The following NPLOC4 variants were observed in gnomAD, a reference collection of about 807,000 sequenced individuals.
NPLOC4 encodes the protein NPL4 homolog, ubiquitin recognition factor.
In NPLOC4, 18 loss-of-function variants were observed where a neutral mutation model predicts 80.6. The observed-to-expected ratio is 0.22, with a 90% CI of 0.15 to 0.33. The LOEUF is 0.33. NPLOC4 is among the 10% of genes least tolerant of loss of function. The pLI is 1.00. For missense variants in NPLOC4, 540 were observed against 786.1 expected (o/e 0.69, Z 3.74); for synonymous variants, 313 against 301.5 (o/e 1.04, Z -0.39).
rs1491076505 is a variant in NPLOC4 at position 81,585,672 on chromosome 17, GGA to G, written c.1281+3270_1281+3271del. On this transcript the variant is annotated intron_variant, in intron 12 of 16. Transcript: ENST00000331134. Reference sequence around the variant, plus strand: ...GAAGACTCCATTTCTGGGGGGGGGGGGAAAGAAAGAAATCAGAGGCTGGGTGC... The same window carrying G: ...GAAGACTCCATTTCTGGGGGGGGGGGAAGAAAGAAATCAGAGGCTGGGTGC... 2.1e-5 allele frequency among the ~76,000 whole-genome samples: 3 copies of G among 142,594 alleles called. No individual in the cohort carries two copies. In the East Asian group the frequency reaches 7.3e-4, roughly 35 times the overall value. The allele number at this position is 142,594 out of a possible 152,430, so 93.5% of individuals were successfully genotyped here. A position where few individuals can be genotyped will look rare whatever the true frequency, so the allele number is the denominator to read the frequency against.
At chr17:81,632,328 CT>C (rs58346580) in intron 1 of NPLOC4, among the ~76,000 whole-genome samples, 31,502 of 139,788 alleles carry the variant, frequency 0.23, 3,586 homozygotes, top group Middle Eastern at 0.34. Flanking sequence ...TTTTTTATTT[CT>C]TTTTTTTTTT....
chr17:81,604,488 G>C, intron 8 of NPLOC4, 60 bp downstream of exon 8: 3 of 1,518,520 alleles, frequency 2.0e-6, no homozygotes, highest in Admixed American at 2.0e-5. Flanking sequence ...CTCTCCGAAA[G>C]GGCGTCCCCC....
rs111441266 is a variant in NPLOC4, at chr17:81,595,453, C to CT, written c.1120+662dup. On this transcript the variant is annotated intron_variant, in intron 11 of 16. Transcript: ENST00000331134. Reference sequence around the variant, plus strand: ...AAAAAAAAAAAAAAAACCCGTTTTGCTTTTTTTTTTTGAGATGGAGTTTCA... The same window carrying CT: ...AAAAAAAAAAAAAAAACCCGTTTTGCTTTTTTTTTTTTGAGATGGAGTTTCA... Among the ~76,000 whole-genome samples the CT allele has an allele frequency of 2.5e-3, 331 of 132,588 alleles. 2 individuals carry two copies. The highest frequency in any genetic ancestry group is 7.2e-3 in the African/African-American group (259 of 36,008). 87.0% of individuals were successfully genotyped at this position (132,588 alleles called of 152,430 possible). A position where few individuals can be genotyped will look rare whatever the true frequency, so the allele number is the denominator to read the frequency against.
At chr17:81,569,490 G>C (rs920458643) in intron 13 of NPLOC4, among the ~76,000 whole-genome samples, 4 of 152,238 alleles carry the variant, frequency 2.6e-5, no homozygotes, top group Non-Finnish European at 5.9e-5. Flanking sequence ...GACAGGAAAG[G>C]AACGGAAGGG....
At chr17:81,608,893 C>T (rs1363207146) in intron 5 of NPLOC4, 71 bp from the exon 6 acceptor site, 21 of 1,229,586 alleles carry the variant, frequency 1.7e-5, no homozygotes, top group Middle Eastern at 2.1e-4. Context: ...GCCTCTGCTA[C>T]GCACAGGGGG....
chr17:81,627,502 G>A (rs2035826582), intron 2 of NPLOC4, among the ~76,000 whole-genome samples: 2 of 152,182 alleles, frequency 1.3e-5, no homozygotes, highest in Non-Finnish European at 2.9e-5. Flanking sequence ...CACTTTGGGA[G>A]GCCAAGGCGG....
intron 9 of NPLOC4, among the ~76,000 whole-genome samples, chr17:81,599,554 A>G (rs2035010530): frequency 6.6e-6 from 1 of 152,190 alleles, no homozygotes; most frequent in Admixed American, 6.5e-5. Context: ...TTTAAGTCAC[A>G]TTTGCAGTCT....
chr17:81,598,051 C>T (rs1248724959), intron 9 of NPLOC4, among the ~76,000 whole-genome samples: 3 of 144,446 alleles, frequency 2.1e-5, no homozygotes, highest in Non-Finnish European at 3.0e-5. Context: ...GCCGAGATTG[C>T]GTCACTGCAC....
intron 12 of NPLOC4, among the ~76,000 whole-genome samples, chr17:81,588,463 G>C (rs1338670512): frequency 6.6e-6 from 1 of 152,178 alleles, no homozygotes; most frequent in African/African-American, 2.4e-5. Flanking sequence ...CCAGACTCAG[G>C]TGATCCTCCT....
At chr17:81,605,620 C>T (rs1243179914) in intron 7 of NPLOC4, among the ~76,000 whole-genome samples, 1 of 151,350 alleles carries the variant, frequency 6.6e-6, no homozygotes, top group Non-Finnish European at 1.5e-5. Context: ...TGCAATTCAG[C>T]CTGGGCTACG....
In NPLOC4 at chr17:81,610,247, C is replaced by A; in HGVS notation, c.398G>T (p.Gly133Val). 1 of 1,573,752 alleles carries A rather than the reference C, an allele frequency of 6.4e-7. No individual in the cohort carries two copies. The highest frequency in any genetic ancestry group is 1.9e-5 in the Admixed American group (1 of 53,600). ...GCAGTGCACGCATTTCCCCAAAGGGCCGTGGCGGCATCTGAGGAGAGTACA... is the reference window on the plus strand; with the variant it reads ...GCAGTGCACGCATTTCCCCAAAGGGACGTGGCGGCATCTGAGGAGAGTACA... Reference protein sequence around the residue: ...RSRDPQLCRHGPLGKCVHCVP... With the variant: ...RSRDPQLCRHVPLGKCVHCVP... Residue 133 changes from glycine to valine, a missense_variant, in exon 5 of 17, where the codon GGC becomes GTC. Transcript: ENST00000331134.
intron 11 of NPLOC4, among the ~76,000 whole-genome samples, chr17:81,595,228 G>A (rs1457020219): frequency 6.6e-6 from 1 of 151,550 alleles, no homozygotes; most frequent in East Asian, 1.9e-4. Context: ...CCTGAGGTCA[G>A]TTCAAGATTA....
chr17:81,570,787 T>A (rs1326164512), intron 13 of NPLOC4, among the ~76,000 whole-genome samples: 3 of 152,178 alleles, frequency 2.0e-5, no homozygotes, highest in Non-Finnish European at 4.4e-5. Flanking sequence ...GCATGGAGCT[T>A]GACACACCTC....
At chr17:81,613,142 A>AC in intron 4 of NPLOC4, 176 bp downstream of exon 4, 5 of 549,080 alleles carry the variant, frequency 9.1e-6, no homozygotes, top group Non-Finnish European at 1.1e-5. Flanking sequence ...AAAAAAAACA[A>AC]AAACCGATAA....
intron 3 of NPLOC4, among the ~76,000 whole-genome samples, chr17:81,615,404 C>T (rs1398601417): frequency 6.6e-6 from 1 of 152,012 alleles, no homozygotes; most frequent in Non-Finnish European, 1.5e-5. Flanking sequence ...CCAGCCGAGA[C>T]GTCTGTTTCT....
intron 12 of NPLOC4, among the ~76,000 whole-genome samples, chr17:81,574,731 G>A (rs1360729636): frequency 1.3e-5 from 2 of 152,114 alleles, no homozygotes; most frequent in Non-Finnish European, 2.9e-5. Flanking sequence ...CAATGGGGAT[G>A]CCCAGGGCAC....
At chr17:81,579,329 G>T (rs540810264) in intron 12 of NPLOC4, among the ~76,000 whole-genome samples, 1 of 152,334 alleles carries the variant, frequency 6.6e-6, no homozygotes, top group Non-Finnish European at 1.5e-5. Flanking sequence ...AGTGAGCCAA[G>T]ATCGTGCCAT....
In NPLOC4 at chr17:81,602,932, CAT is replaced by C. The variant is rs150169696; in HGVS notation, c.834+1614_834+1615del. On this transcript the variant is annotated intron_variant, in intron 8 of 16. Transcript: ENST00000331134. ...ATATATATGTATATATACACACACACATATATATATACACACACATATATATA... is the reference window on the plus strand; with the variant it reads ...ATATATATGTATATATACACACACACATATATATACACACACATATATATA... 2.7e-3 allele frequency among the ~76,000 whole-genome samples: 388 copies of C among 143,182 alleles called. 4 individuals are homozygous for C. Among genetic ancestry groups the C allele is most frequent in the Admixed American group, 6.2e-3 (86 of 13,846 alleles). The allele number at this position is 143,182 out of a possible 152,430, so 93.9% of individuals were successfully genotyped here. A position where few individuals can be genotyped will look rare whatever the true frequency, so the allele number is the denominator to read the frequency against.
chr17:81,596,295 C>T (rs993048741), intron 10 of NPLOC4, 53 bp from the exon 11 acceptor site: 1 of 1,556,188 alleles, frequency 6.4e-7, no homozygotes, highest in African/African-American at 1.4e-5. Context: ...CCAAAATATA[C>T]TTCTATTTCT....
Sources: gnomAD v4.1 joint callset for allele counts (sites outside exome capture counted in the v4.1 genomes callset) on GRCh38, gnomAD v4.1.1 for gene constraint, MANE v1.5 for transcripts, NCBI Gene and HGNC (gene_info 2026-07-23, HGNC 2026-07-21) for gene names.